Variants in SUN5 observed in about 807,000 individuals in gnomAD.
The protein encoded by SUN5 is SUN domain-containing protein 5.
Under a neutral mutation model 53.7 loss-of-function variants are expected in SUN5, and 44 were observed. That is an observed-to-expected ratio of 0.82 (90% confidence interval 0.64 to 1.05). The LOEUF (loss-of-function observed/expected upper bound fraction) is 1.05, where lower values mean the gene tolerates loss of function less well. Ranked by LOEUF, SUN5 falls within the 50% of genes least tolerant of loss-of-function variation. The probability of loss-of-function intolerance (pLI) is 0.00; values close to 1 mark genes in which losing one functional copy is unlikely to be tolerated. For missense variants in SUN5, 433 were observed against 483.8 expected (o/e 0.90, Z 0.98); for synonymous variants, 166 against 179.8 (o/e 0.92, Z 0.62).
intron 11 of SUN5, 148 bp from the exon 12 acceptor site, chr20:32,985,333 A>G: frequency 1.5e-6 from 1 of 684,620 alleles, no homozygotes; most frequent in Non-Finnish European, 2.5e-6. Flanking sequence ...AGTGTAATGA[A>G]TAGGAAAGAG....
Position 33,002,504 on chromosome 20 carries a change from C to A in SUN5, c.211+83G>T, listed in dbSNP as rs1249913155. ...CTGCAGTCCAGGGCAGGCATTGCCA[C>A]CCCCAGGTCAGCCTGGGCCGAGGCT... is the stretch of plus-strand genomic sequence containing the variant. On this transcript the variant is annotated intron_variant, in intron 3 of 12. Transcript: ENST00000356173. The A allele has an allele frequency of 1.6e-5, 23 of 1,401,324 alleles. No homozygotes were observed. The South Asian group carries it at 2.1e-4, about 13-fold the overall frequency. The allele number at this position is 1,401,324 out of a possible 1,614,324, so 86.8% of individuals were successfully genotyped here. A position where few individuals can be genotyped will look rare whatever the true frequency, so the allele number is the denominator to read the frequency against.
chr20:32,984,976 A>T, intron 12 of SUN5, 123 bp downstream of exon 12: 2 of 1,000,428 alleles, frequency 2.0e-6, no homozygotes, highest in Non-Finnish European at 3.0e-6. Context: ...CTTGCCTGTC[A>T]AACAGGTTAG....
intron 5 of SUN5, among the ~76,000 whole-genome samples, chr20:32,999,251 A>G (rs1989933214): frequency 6.6e-6 from 1 of 152,214 alleles, no homozygotes; most frequent in Non-Finnish European, 1.5e-5. Context: ...CTAGCAATAG[A>G]TAACCTGAAA....
chr20:32,984,233 C>T (rs1306491266), intron 12 of SUN5, among the ~76,000 whole-genome samples: 2 of 152,194 alleles, frequency 1.3e-5, no homozygotes, highest in Non-Finnish European at 2.9e-5. Flanking sequence ...CAGTCTCCCA[C>T]TCCTGCCCTG....
intron 4 of SUN5, 85 bp downstream of exon 4, chr20:33,001,127 G>T: frequency 6.9e-7 from 1 of 1,452,354 alleles, no homozygotes; most frequent in Non-Finnish European, 9.4e-7. Flanking sequence ...ACCAAGGGGA[G>T]ATCCAAACTG....
At chr20:32,995,826 T>A in intron 7 of SUN5, 99 bp from the exon 8 acceptor site, 1 of 1,106,466 alleles carries the variant, frequency 9.0e-7, no homozygotes, top group Non-Finnish European at 1.4e-6. Context: ...AAGAATGAGT[T>A]TCAGATTTTC....
At chr20:33,002,743 G>A in intron 2 of SUN5, 82 bp from the exon 3 acceptor site, 1 of 1,599,348 alleles carries the variant, frequency 6.3e-7, no homozygotes, top group Non-Finnish European at 8.6e-7. Flanking sequence ...CCCAGAGCTT[G>A]GTGCGAACAT....
chr20:32,992,663 C>G (rs1383029604), intron 8 of SUN5, among the ~76,000 whole-genome samples: 2 of 152,140 alleles, frequency 1.3e-5, no homozygotes, highest in Non-Finnish European at 2.9e-5. Flanking sequence ...CACGCTATAG[C>G]CTGGGAGGAG....
chr20:33,002,724 T>A (rs41305793), intron 2 of SUN5, 63 bp from the exon 3 acceptor site: 17 of 1,604,446 alleles, frequency 1.1e-5, no homozygotes, highest in African/African-American at 4.0e-5. Flanking sequence ...TGCAGAGACC[T>A]AGGGAGCACC....
chr20:33,002,984 G>GGTATGCA, intron 1 of SUN5, 65 bp from the exon 2 acceptor site: 3 of 1,564,446 alleles, frequency 1.9e-6, no homozygotes, highest in Non-Finnish European at 2.6e-6. Flanking sequence ...CTTGGAATGT[G>GGTATGCA]CATACCACGT....
At chr20:32,990,720 G>A (rs537971839) in intron 8 of SUN5, among the ~76,000 whole-genome samples, 2 of 152,196 alleles carry the variant, frequency 1.3e-5, no homozygotes, top group Admixed American at 1.3e-4. Flanking sequence ...AGTCACGTGA[G>A]TGAATCCAGA....
intron 8 of SUN5, among the ~76,000 whole-genome samples, chr20:32,992,267 AG>A (rs1047403749): frequency 1.6e-4 from 24 of 152,188 alleles, no homozygotes; most frequent in African/African-American, 5.8e-4. Flanking sequence ...GATGTTCCCC[AG>A]GGGGCAAAAT....
intron 9 of SUN5, 108 bp from the exon 10 acceptor site, chr20:32,987,883 A>G (rs1989591459): frequency 1.3e-6 from 1 of 757,434 alleles, no homozygotes; most frequent in Admixed American, 2.2e-5. Flanking sequence ...TGGATGAGTC[A>G]CTGGCCCTGT....
At chr20:32,987,626 C>T (rs766058513) in intron 10 of SUN5, 34 bp downstream of exon 10, 1 of 1,546,006 alleles carries the variant, frequency 6.5e-7, no homozygotes, top group Non-Finnish European at 8.8e-7. Flanking sequence ...GACCACTCCC[C>T]TGCCGCTGTC....
At chr20:33,002,329 A>G (rs1156405239) in intron 3 of SUN5, among the ~76,000 whole-genome samples, 1 of 152,160 alleles carries the variant, frequency 6.6e-6, no homozygotes, top group Non-Finnish European at 1.5e-5. Flanking sequence ...CAGCAGCCAG[A>G]CTGGTGGTAG....
intron 8 of SUN5, among the ~76,000 whole-genome samples, chr20:32,995,068 A>G (rs532954506): frequency 4.6e-5 from 7 of 152,332 alleles, no homozygotes; most frequent in Middle Eastern, 3.4e-3. Flanking sequence ...GCATAGGCCT[A>G]GCATAGGTGT....
chr20:32,994,871 AAC>A (rs1491080372), intron 8 of SUN5, among the ~76,000 whole-genome samples: 50 of 133,070 alleles, frequency 3.8e-4, no homozygotes, highest in Middle Eastern at 3.6e-3. Flanking sequence ...CCATTAAAAA[AAC>A]AAAAAGAACT....
chr20:32,993,196 A>G (rs1045688134), intron 8 of SUN5, among the ~76,000 whole-genome samples: 1 of 152,266 alleles, frequency 6.6e-6, no homozygotes, highest in Admixed American at 6.5e-5. Flanking sequence ...ACATGAATAA[A>G]TAACATTTCT....
intron 8 of SUN5, among the ~76,000 whole-genome samples, chr20:32,992,639 T>C (rs927069459): frequency 1.3e-5 from 2 of 152,152 alleles, no homozygotes; most frequent in Non-Finnish European, 2.9e-5. Context: ...TCATCACCAT[T>C]GAGAGTGAAA....
Sources: allele counts gnomAD v4.1 joint callset (sites outside exome capture counted in the v4.1 genomes callset), GRCh38; gene constraint gnomAD v4.1.1; transcripts MANE v1.5; gene names NCBI Gene and HGNC (gene_info 2026-07-23, HGNC 2026-07-21).